Variants in TMEM131 observed in about 807,000 individuals in gnomAD.
TMEM131 encodes the protein transmembrane protein 131, also known as 2610524E03Rik.
In TMEM131, 66 loss-of-function variants were observed where a neutral mutation model predicts 211.6. The observed-to-expected ratio is 0.31, with a 90% CI of 0.26 to 0.38. The LOEUF is 0.38. TMEM131 is among the 10% of genes least tolerant of loss of function. The pLI is 1.00. For missense variants in TMEM131, 2,036 were observed against 2,299.3 expected (o/e 0.89, Z 2.34); for synonymous variants, 844 against 841.3 (o/e 1.00, Z -0.06).
At chr2:97,994,259 T>A (rs2104694694) in intron 1 of TMEM131, among the ~76,000 whole-genome samples, 1 of 152,354 alleles carries the variant, frequency 6.6e-6, no homozygotes, top group South Asian at 2.1e-4. Context: ...AAAGCGGCAA[T>A]ATTTTATTCT....
In TMEM131 at chr2:97,766,603, C is replaced by A; in HGVS notation, c.4449-1G>T. ...GGGAGTATATGGTAGTTCTAATGAACTGAAAGACAATCAGGGATGGAAAAT... is the reference window on the plus strand; with the variant it reads ...GGGAGTATATGGTAGTTCTAATGAAATGAAAGACAATCAGGGATGGAAAAT... On this transcript the variant is annotated splice_acceptor_variant, in intron 33 of 40. Transcript: ENST00000186436. LOFTEE classifies it high-confidence loss of function. 6.2e-7 allele frequency: 1 copy of A among 1,613,424 alleles called. No homozygotes were observed. The highest frequency in any genetic ancestry group is 8.5e-7 in the Non-Finnish European group (1 of 1,179,650).
intron 13 of TMEM131, among the ~76,000 whole-genome samples, chr2:97,814,594 A>G (rs1391348159): frequency 3.3e-5 from 5 of 152,214 alleles, no homozygotes; most frequent in Non-Finnish European, 4.4e-5. Flanking sequence ...ACAAACAACC[A>G]TTCTCTAATG....
At chr2:97,812,822 T>A in intron 15 of TMEM131, 73 bp from the exon 16 acceptor site, 1 of 842,342 alleles carries the variant, frequency 1.2e-6, no homozygotes, top group Non-Finnish European at 1.8e-6. Flanking sequence ...AGAAAGTAAC[T>A]ATATTAAAGA....
chr2:97,767,879 G>A (rs1023228922), intron 33 of TMEM131, among the ~76,000 whole-genome samples: 1 of 152,162 alleles, frequency 6.6e-6, no homozygotes, highest in African/African-American at 2.4e-5. Context: ...CTGGGTCAGA[G>A]GCAATCTGCT....
At chr2:97,893,396 G>T (rs913351712) in intron 3 of TMEM131, among the ~76,000 whole-genome samples, 2 of 152,052 alleles carry the variant, frequency 1.3e-5, no homozygotes, top group African/African-American at 4.8e-5. Flanking sequence ...TAGTCCTTTG[G>T]GTATATACCC....
intron 1 of TMEM131, among the ~76,000 whole-genome samples, chr2:97,972,502 G>GGGCA (rs569396801): frequency 1.0e-3 from 155 of 150,730 alleles, no homozygotes; most frequent in Admixed American, 2.9e-3. Flanking sequence ...GCAGGCAGGC[G>GGGCA]GGCAGGCAGG....
chr2:97,761,699 A>G (rs1678860812), intron 36 of TMEM131: 2 of 208,244 alleles, frequency 9.6e-6, no homozygotes, highest in Non-Finnish European at 1.9e-5. Context: ...CCATACTCCC[A>G]ACTCACAGGA....
chr2:97,832,053 A>G (rs1252557793), intron 11 of TMEM131, among the ~76,000 whole-genome samples: 6 of 145,928 alleles, frequency 4.1e-5, no homozygotes, highest in African/African-American at 7.7e-5. Context: ...TTTCCTATCT[A>G]GAAAACTAGG....
intron 40 of TMEM131, 33 bp downstream of exon 40, chr2:97,758,860 G>A (rs1396364880): frequency 3.8e-6 from 6 of 1,581,082 alleles, no homozygotes; most frequent in Non-Finnish European, 5.2e-6. Flanking sequence ...GGTGGGCCAG[G>A]TCCAGGCCCC....
chr2:97,769,190 T>C (rs1679343835), intron 33 of TMEM131, among the ~76,000 whole-genome samples: 1 of 151,616 alleles, frequency 6.6e-6, no homozygotes, highest in Admixed American at 6.6e-5. Flanking sequence ...TCTTGCTATA[T>C]TTTCCAGGCT....
chr2:97,793,504 T>C lies in TMEM131; in HGVS notation c.3436A>G (p.Ile1146Val). ...AGCCGCCTTCGAAATGGCTCCCATA[T>C]TCCTTGAGCTTCCAAATAGGCTGTT... ...IGTAYLEAQGIWEPFRRRLSF... is the reference protein window; with the variant it reads ...IGTAYLEAQGVWEPFRRRLSF... Residue 1146 changes from isoleucine (I) to valine (V), a missense_variant, in exon 30 of 41, where the codon ATA becomes GTA. Physicochemically the swap from Ile to Val is conservative, Grantham distance 29 (BLOSUM62 3). This residue lies in a region of TMEM131 where 1,623 missense variants were observed against 1,805.9 expected (regional missense o/e 0.90). Coordinates refer to ENST00000186436, the MANE Select transcript of TMEM131 (RefSeq NM_015348.2). 6.2e-7 allele frequency: 1 copy of C among 1,613,958 alleles called. No individual in the cohort carries two copies. Among genetic ancestry groups the C allele is most frequent in the Non-Finnish European group, 8.5e-7 (1 of 1,179,858 alleles).
Position 97,927,432 on chromosome 2 carries a change from T to C in TMEM131, c.243A>G (p.Leu81=), listed in dbSNP as rs1360211305. The C allele has an allele frequency of 6.3e-7, 1 of 1,590,320 alleles. No individual in the cohort carries two copies. Among genetic ancestry groups the C allele is most frequent in the Non-Finnish European group, 8.6e-7 (1 of 1,168,980 alleles). Residue 81 remains leucine, a synonymous_variant, in exon 2 of 41, where the codon CTA becomes CTG. Coordinates refer to ENST00000186436, the MANE Select transcript of TMEM131 (RefSeq NM_015348.2). ...CTACTTAAAAAAAAATTACCTGTAG[T>C]AGCCCTCCATCATCAAAACGCAGTA... ...IEVLRFDDGG[L]LQTETTLGLS...
intron 5 of TMEM131, among the ~76,000 whole-genome samples, chr2:97,853,799 T>C (rs1673726175): frequency 6.6e-6 from 1 of 152,088 alleles, no homozygotes; most frequent in South Asian, 2.1e-4. Flanking sequence ...CATCTGCAGA[T>C]GTGAATGAAT....
chr2:97,801,486 T>C (rs1681033948), intron 25 of TMEM131, among the ~76,000 whole-genome samples: 1 of 152,228 alleles, frequency 6.6e-6, no homozygotes. Flanking sequence ...CAGCCAGTCA[T>C]GGGTTTAGCA....
chr2:97,799,818 T>C (rs1237391612), intron 25 of TMEM131, among the ~76,000 whole-genome samples: 1 of 152,218 alleles, frequency 6.6e-6, no homozygotes. Context: ...TGTAATTACA[T>C]GTCTGTAGCA....
intron 1 of TMEM131, among the ~76,000 whole-genome samples, chr2:97,960,058 T>C (rs1678749519): frequency 6.6e-6 from 1 of 152,200 alleles, no homozygotes; most frequent in Admixed American, 6.5e-5. Context: ...GATATTTCAA[T>C]TTGTCACTAC....
intron 1 of TMEM131, among the ~76,000 whole-genome samples, chr2:97,937,462 A>G (rs1305691634): frequency 6.6e-6 from 1 of 152,120 alleles, no homozygotes; most frequent in African/African-American, 2.4e-5. Context: ...AAGAGGAGAG[A>G]AAAAAAGGCA....
At chr2:97,957,557 A>C (rs1439360127) in intron 1 of TMEM131, among the ~76,000 whole-genome samples, 1 of 152,156 alleles carries the variant, frequency 6.6e-6, no homozygotes, top group Admixed American at 6.5e-5. Context: ...GGATGGGGAG[A>C]GGCAAGGTTA....
chr2:97,802,576 A>G, intron 23 of TMEM131, 39 bp from the exon 24 acceptor site: 3 of 1,600,460 alleles, frequency 1.9e-6, no homozygotes, highest in Non-Finnish European at 2.6e-6. Context: ...AAAGATTTCT[A>G]TAGTTAAAGC....
Sources: gnomAD v4.1 joint callset for allele counts (sites outside exome capture counted in the v4.1 genomes callset) on GRCh38, gnomAD v4.1.1 for gene constraint, gnomAD v4.1.1 regional missense constraint, MANE v1.5 for transcripts, NCBI Gene and HGNC (gene_info 2026-07-23, HGNC 2026-07-21) for gene names.